The following SCGB2B2 variants were observed in gnomAD, a reference collection of about 807,000 sequenced individuals.
SCGB2B2 encodes secretoglobin family 2B member 2, also known as secretoglobin-like protein.
In SCGB2B2, 11 loss-of-function variants were observed where a neutral mutation model predicts 7.6. The ratio of observed to expected loss-of-function variants is 1.45; its 90% CI spans 0.91 to 2.40. SCGB2B2 has a LOEUF of 2.40. Among genes scored for constraint, SCGB2B2 ranks in the 30% most tolerant of loss-of-function variants. The pLI is 0.00. For missense variants in SCGB2B2, 104 were observed against 115.4 expected (o/e 0.90, Z 0.45); for synonymous variants, 50 against 48.6 (o/e 1.03, Z -0.12).
chr19:34,654,902 C>G (rs755040136), intron 1 of SCGB2B2, among the ~76,000 whole-genome samples: 9 of 151,204 alleles, frequency 6.0e-5, no homozygotes. Flanking sequence ...TGCAATGCCA[C>G]GGTCTCCCTG....
chr19:34,588,094 A>G (rs990702634), downstream of SCGB2B2, among the ~76,000 whole-genome samples: 5 of 152,364 alleles, frequency 3.3e-5, no homozygotes, highest in Middle Eastern at 3.4e-3. Context: ...GAGTTTGAGA[A>G]GAATTGCTAT....
At chr19:34,617,564 A>C (rs1298495015) in intron 1 of SCGB2B2, among the ~76,000 whole-genome samples, 2 of 151,948 alleles carry the variant, frequency 1.3e-5, no homozygotes, top group African/African-American at 4.8e-5. Context: ...GAAGTTGCTT[A>C]TCAGCTTAAG....
At chr19:34,656,083 A>G (rs1460157376) in intron 1 of SCGB2B2, among the ~76,000 whole-genome samples, 1 of 151,358 alleles carries the variant, frequency 6.6e-6, no homozygotes, top group Non-Finnish European at 1.5e-5. Flanking sequence ...ACTCAAGGAC[A>G]TAGACAAAAT....
At chr19:34,639,509 G>C (rs1475101713) in intron 1 of SCGB2B2, among the ~76,000 whole-genome samples, 1 of 152,194 alleles carries the variant, frequency 6.6e-6, no homozygotes, top group African/African-American at 2.4e-5. Flanking sequence ...AGTATCATAA[G>C]TAATTGCTAT....
chr19:34,662,046 A>AT (rs200312772), intron 1 of SCGB2B2, among the ~76,000 whole-genome samples: 2,586 of 151,898 alleles, frequency 0.017, 33 homozygotes, highest in Non-Finnish European at 0.024. Context: ...CTCCAAGCTA[A>AT]TTTTTTTGTA....
At position 34,591,643 on chromosome 19, in the gene SCGB2B2, C is replaced by T. The variant is rs946736964; in HGVS notation, c.*1912G>A. Among the ~76,000 whole-genome samples, 3 of 152,238 alleles carry T rather than the reference C, an allele frequency of 2.0e-5. No individual in the cohort carries two copies. Among genetic ancestry groups the T allele is most frequent in the Admixed American group, 1.3e-4 (2 of 15,290 alleles). ...CCTCGTTTTCTGACGTGACCTCCTT[C>T]CCTGCTGCCCCTTGTTCCAGCTGCA... On this transcript the variant is annotated 3_prime_UTR_variant, in exon 4 of 4. Transcript: ENST00000601241.
intron 1 of SCGB2B2, among the ~76,000 whole-genome samples, chr19:34,627,265 C>A (rs1391262837): frequency 1.3e-5 from 2 of 152,140 alleles, no homozygotes; most frequent in Non-Finnish European, 2.9e-5. Flanking sequence ...ACAATATTAA[C>A]CTTAAATGTA....
chr19:34,628,334 CTGT>C (rs958877394), intron 1 of SCGB2B2, among the ~76,000 whole-genome samples: 4 of 148,356 alleles, frequency 2.7e-5, no homozygotes, highest in Admixed American at 1.3e-4. Context: ...AATCCAGGAA[CTGT>C]TTTTTTGACA....
chr19:34,609,851 C>G (rs572718717), intron 1 of SCGB2B2, among the ~76,000 whole-genome samples: 62 of 152,186 alleles, frequency 4.1e-4, no homozygotes, highest in African/African-American at 1.5e-3. Context: ...TTTTCTACCT[C>G]TGTGAAGATG....
intron 1 of SCGB2B2, among the ~76,000 whole-genome samples, chr19:34,669,876 C>T (rs1433656100): frequency 6.6e-6 from 1 of 152,210 alleles, no homozygotes; most frequent in African/African-American, 2.4e-5. Flanking sequence ...TGGAGAGCAC[C>T]AGTGCTGGTC....
chr19:34,638,086 A>C (rs2066737313), intron 1 of SCGB2B2: 1 of 152,360 alleles, frequency 6.6e-6, no homozygotes, highest in Middle Eastern at 3.4e-3. Context: ...TCATGGACAC[A>C]GTGGCATTAA....
intron 1 of SCGB2B2, among the ~76,000 whole-genome samples, chr19:34,658,359 T>C (rs2067340939): frequency 6.6e-6 from 1 of 151,884 alleles, no homozygotes; most frequent in South Asian, 2.1e-4. Flanking sequence ...CTAGCAAGAC[T>C]AATAAACAAG....
intron 1 of SCGB2B2, among the ~76,000 whole-genome samples, chr19:34,636,911 T>G (rs2066696726): frequency 6.6e-6 from 1 of 152,050 alleles, no homozygotes; most frequent in South Asian, 2.1e-4. Context: ...AGTGGACAAC[T>G]ACCTGAGTCT....
intron 1 of SCGB2B2, among the ~76,000 whole-genome samples, chr19:34,611,935 G>A (rs545273105): frequency 2.6e-5 from 4 of 151,098 alleles, no homozygotes; most frequent in East Asian, 3.9e-4. Flanking sequence ...TTACAGGCAT[G>A]AGCCAATGTG....
rs2066598969 is a variant in SCGB2B2 at position 34,633,722 on chromosome 19, A to G, written c.-2031-37128T>C. On this transcript the variant is annotated intron_variant, in intron 1 of 3. Coordinates refer to ENST00000601241, the MANE Select transcript of SCGB2B2 (RefSeq NM_001025591.4). ...ATGGTTTCCTGGGTGTACACATTAG[A>G]TAACACTTAATACATTTACATTTTA... Among the ~76,000 whole-genome samples the G allele has an allele frequency of 1.3e-5, 2 of 152,176 alleles. 1 individual carries two copies. Among genetic ancestry groups the G allele is most frequent in the Non-Finnish European group, 2.9e-5 (2 of 68,028 alleles).
chr19:34,660,508 T>TCTCAA (rs1465743748), intron 1 of SCGB2B2, among the ~76,000 whole-genome samples: 2 of 152,202 alleles, frequency 1.3e-5, no homozygotes, highest in Non-Finnish European at 2.9e-5. Flanking sequence ...AGAAGACATT[T>TCTCAA]ATGCAGCCAA....
chr19:34,631,380 A>G (rs1011295799), intron 1 of SCGB2B2, among the ~76,000 whole-genome samples: 3 of 150,940 alleles, frequency 2.0e-5, no homozygotes, highest in Non-Finnish European at 4.4e-5. Flanking sequence ...TCTGTGGCCC[A>G]AGACTATTCT....
chr19:34,610,896 T>A lies in SCGB2B2; in HGVS notation c.-2031-14302A>T, dbSNP rs983265487. Reference sequence around the variant, plus strand: ...CTTGGAAGACTCTGAGAAGAACTGGTATCAGTTCTACTTAAATATTTTGTA... The same window carrying A: ...CTTGGAAGACTCTGAGAAGAACTGGAATCAGTTCTACTTAAATATTTTGTA... On this transcript the variant is annotated intron_variant, in intron 1 of 3. Transcript: ENST00000601241. 6.6e-5 allele frequency among the ~76,000 whole-genome samples: 10 copies of A among 152,044 alleles called. No homozygotes were observed. In the South Asian group the frequency reaches 2.1e-3, roughly 32 times the overall value.
At chr19:34,669,961 G>A (rs2067758841) in intron 1 of SCGB2B2, among the ~76,000 whole-genome samples, 3 of 152,222 alleles carry the variant, frequency 2.0e-5, no homozygotes, top group Admixed American at 1.3e-4. Context: ...AGGCAGGGCA[G>A]AGTAAACAGC....
Sources: allele counts gnomAD v4.1 joint callset (sites outside exome capture counted in the v4.1 genomes callset), GRCh38; gene constraint gnomAD v4.1.1; transcripts MANE v1.5; gene names NCBI Gene and HGNC (gene_info 2026-07-23, HGNC 2026-07-21).